Variants in TENM4 observed in about 807,000 individuals in gnomAD.
TENM4 encodes teneurin-4.
In TENM4, 82 loss-of-function variants were observed where a neutral mutation model predicts 243.3. The ratio of observed to expected loss-of-function variants is 0.34; its 90% CI spans 0.28 to 0.40. The LOEUF is 0.40. TENM4 is among the 10% of genes least tolerant of loss of function. TENM4 has a pLI of 1.00. For missense variants in TENM4, 3,138 were observed against 3,673.3 expected (o/e 0.85, Z 3.77); for synonymous variants, 1,412 against 1,456.3 (o/e 0.97, Z 0.69).
chr11:78,761,290 A>T (rs1482287763), intron 18 of TENM4, among the ~76,000 whole-genome samples: 2 of 149,658 alleles, frequency 1.3e-5, no homozygotes, highest in Non-Finnish European at 3.0e-5. Flanking sequence ...CCCAGGCTGG[A>T]GTGCAGTGGC....
chr11:78,981,679 C>T (rs1857797964), intron 6 of TENM4, among the ~76,000 whole-genome samples: 1 of 152,168 alleles, frequency 6.6e-6, no homozygotes, highest in Admixed American at 6.5e-5. Context: ...CCTGGAATTG[C>T]CCTATCTCTG....
chr11:79,390,170 G>A (rs986733140), intron 1 of TENM4, among the ~76,000 whole-genome samples: 1 of 152,208 alleles, frequency 6.6e-6, no homozygotes, highest in African/African-American at 2.4e-5. Flanking sequence ...AGAGGAAATA[G>A]TGCAGGGCTT....
At chr11:79,350,319 G>A (rs1012946362) in intron 1 of TENM4, among the ~76,000 whole-genome samples, 3 of 151,990 alleles carry the variant, frequency 2.0e-5, no homozygotes, top group Non-Finnish European at 4.4e-5. Flanking sequence ...TCCCACCCAG[G>A]CACCTCATAC....
chr11:78,833,140 CT>C (rs57760455), intron 12 of TENM4, among the ~76,000 whole-genome samples: 17,657 of 152,106 alleles, frequency 0.12, 1,956 homozygotes, highest in African/African-American at 0.3. Context: ...TGTTTTCCCC[CT>C]AAATCAAAAT....
At chr11:78,965,571 C>T (rs934843218) in intron 6 of TENM4, among the ~76,000 whole-genome samples, 2 of 152,196 alleles carry the variant, frequency 1.3e-5, no homozygotes, top group Non-Finnish European at 2.9e-5. Flanking sequence ...GTAAATCTGT[C>T]AAGCTTTACG....
intron 4 of TENM4, among the ~76,000 whole-genome samples, chr11:79,120,567 C>G (rs1861721917): frequency 1.3e-5 from 2 of 152,222 alleles, no homozygotes; most frequent in South Asian, 2.1e-4. Flanking sequence ...TTGTCTATAA[C>G]TGAGTCCATG....
At chr11:79,342,851 C>A (rs1407144353) in intron 1 of TENM4, among the ~76,000 whole-genome samples, 1 of 152,236 alleles carries the variant, frequency 6.6e-6, no homozygotes, top group Non-Finnish European at 1.5e-5. Context: ...GTGCAGTTCC[C>A]TTCCCCCTGC....
At chr11:79,216,939 T>C (rs922926284) in intron 2 of TENM4, among the ~76,000 whole-genome samples, 3 of 152,152 alleles carry the variant, frequency 2.0e-5, no homozygotes, top group Non-Finnish European at 2.9e-5. Flanking sequence ...CAGAGGTCCT[T>C]ACGCAGAAGA....
At chr11:78,899,498 A>C (rs1011618298) in intron 7 of TENM4, among the ~76,000 whole-genome samples, 2 of 126,176 alleles carry the variant, frequency 1.6e-5, no homozygotes, top group East Asian at 5.3e-4. Flanking sequence ...GGACTGCTTG[A>C]GTCTGGGAGG....
chr11:78,761,866 T>C (rs899383845), intron 18 of TENM4, among the ~76,000 whole-genome samples: 1 of 152,148 alleles, frequency 6.6e-6, no homozygotes, highest in Admixed American at 6.5e-5. Context: ...GTGCCCTGTC[T>C]GCTGACTCTG....
At chr11:79,426,654 G>A (rs955752621) in intron 1 of TENM4, among the ~76,000 whole-genome samples, 8 of 152,228 alleles carry the variant, frequency 5.3e-5, no homozygotes, top group Admixed American at 2.6e-4. Flanking sequence ...TGAGCTATAA[G>A]GTATGAAAAC....
chr11:78,848,965 C>G (rs1412681657), intron 12 of TENM4, among the ~76,000 whole-genome samples: 2 of 152,154 alleles, frequency 1.3e-5, no homozygotes, highest in Non-Finnish European at 2.9e-5. Context: ...CAATGAGCAC[C>G]AGAGAGGCCA....
intron 3 of TENM4, among the ~76,000 whole-genome samples, chr11:79,181,652 C>T (rs1013642916): frequency 1.3e-5 from 2 of 150,878 alleles, no homozygotes; most frequent in African/African-American, 4.9e-5. Flanking sequence ...AGAAATAAAA[C>T]TTTGTTCACA....
At chr11:79,027,484 A>G (rs570211642) in intron 6 of TENM4, among the ~76,000 whole-genome samples, 80 of 152,350 alleles carry the variant, frequency 5.3e-4, no homozygotes, top group African/African-American at 1.9e-3. Context: ...AGGTGGCCAC[A>G]GGGCCTAGAC....
At chr11:79,131,350 C>T (rs1861999640) in intron 4 of TENM4, among the ~76,000 whole-genome samples, 1 of 152,174 alleles carries the variant, frequency 6.6e-6, no homozygotes, top group East Asian at 1.9e-4. Flanking sequence ...ACCATACAAG[C>T]CAGAAGGGAC....
intron 2 of TENM4, among the ~76,000 whole-genome samples, chr11:79,247,446 G>C (rs1590823967): frequency 6.9e-6 from 1 of 144,556 alleles, no homozygotes; most frequent in Non-Finnish European, 1.5e-5. Context: ...AAAAGAAGAA[G>C]AAGAACGTGC....
At chr11:79,299,083 CACATACACACACACAT>C (rs892326036) in intron 1 of TENM4, among the ~76,000 whole-genome samples, 19 of 137,252 alleles carry the variant, frequency 1.4e-4, no homozygotes, top group African/African-American at 4.7e-4. Flanking sequence ...CACACACACA[CACATACACACACACAT>C]ACATACACAC....
intron 1 of TENM4, among the ~76,000 whole-genome samples, chr11:79,417,779 T>C (rs1369110847): frequency 6.6e-6 from 1 of 152,042 alleles, no homozygotes. Context: ...CCACTCCATA[T>C]CCCCCAGGTA....
chr11:79,160,279 A>G (rs1862715103), intron 3 of TENM4, among the ~76,000 whole-genome samples: 1 of 152,182 alleles, frequency 6.6e-6, no homozygotes, highest in Non-Finnish European at 1.5e-5. Flanking sequence ...TCAGAAACTG[A>G]TGTTCTTGTA....
Sources: gnomAD v4.1 joint callset for allele counts (sites outside exome capture counted in the v4.1 genomes callset) on GRCh38, gnomAD v4.1.1 for gene constraint, MANE v1.5 for transcripts, NCBI Gene and HGNC (gene_info 2026-07-23, HGNC 2026-07-21) for gene names.